The following NBEA variants were observed in gnomAD, a reference collection of about 807,000 sequenced individuals.
NBEA encodes the protein neurobeachin.
A neutral mutation model predicts 343.4 loss-of-function variants in NBEA; 44 were observed. That is an observed-to-expected ratio of 0.13 (90% confidence interval 0.10 to 0.16). NBEA has a LOEUF of 0.16. Ranked by LOEUF, NBEA falls within the 10% of genes least tolerant of loss-of-function variation. The pLI is 1.00. For synonymous variants in NBEA, 1,175 were observed against 1,238.7 expected, an observed-to-expected ratio of 0.95 and a Z score of 1.08; for missense variants, 2,555 against 3,631.3, an observed-to-expected ratio of 0.70 and a Z score of 7.62.
chr13:35,040,002 A>C (rs2062591026), intron 1 of NBEA, among the ~76,000 whole-genome samples: 1 of 152,198 alleles, frequency 6.6e-6, no homozygotes, highest in Non-Finnish European at 1.5e-5. Flanking sequence ...CATATATTCT[A>C]GTTCCAGAAC....
At chr13:35,084,967 A>G (rs1334896598) in intron 10 of NBEA, among the ~76,000 whole-genome samples, 1 of 152,188 alleles carries the variant, frequency 6.6e-6, no homozygotes, top group East Asian at 1.9e-4. Context: ...CTATGCAAAT[A>G]AACCAGAAAA....
intron 38 of NBEA, among the ~76,000 whole-genome samples, chr13:35,354,142 A>C (rs1200810321): frequency 6.6e-6 from 1 of 152,202 alleles, no homozygotes; most frequent in Admixed American, 6.5e-5. Flanking sequence ...CAGTTAGACT[A>C]ATGTTTGACC....
At chr13:35,612,073 G>GTT (rs60709883) in intron 48 of NBEA, among the ~76,000 whole-genome samples, 6 of 142,668 alleles carry the variant, frequency 4.2e-5, no homozygotes, top group Admixed American at 7.0e-5. Context: ...GTTATTACCT[G>GTT]TTTTTTTTTT....
chr13:34,943,215 G>A (rs1055809858), intron 1 of NBEA, 101 bp downstream of exon 1: 25 of 1,460,556 alleles, frequency 1.7e-5, no homozygotes, highest in Middle Eastern at 4.7e-4. Context: ...CACACGCGCC[G>A]CGCGTCCCTG....
intron 41 of NBEA, among the ~76,000 whole-genome samples, chr13:35,513,013 C>G (rs2077339301): frequency 6.6e-6 from 1 of 152,110 alleles, no homozygotes; most frequent in Non-Finnish European, 1.5e-5. Flanking sequence ...TTATACTATA[C>G]AGGTTTTTTT....
intron 31 of NBEA, among the ~76,000 whole-genome samples, chr13:35,198,214 A>G (rs7334324): frequency 0.12 from 18,387 of 152,094 alleles, 1,251 homozygotes; most frequent in South Asian, 0.18. Context: ...CGATATGCCT[A>G]TATGTGTGTT....
At position 35,058,841 on chromosome 13, in the gene NBEA, A is replaced by C; in HGVS notation, c.1217A>C (p.His406Pro). The change falls in exon 8 of 59, where the codon CAT (histidine) becomes CCT (proline). Residue 406 changes from histidine (H) to proline (P), a missense_variant. By Grantham distance (77) the His-to-Pro change is moderately conservative. Transcript: ENST00000379939. ...AACCCAGCACAGATATTTGCAATTC[A>C]TCAGTTAGGACCTGGATATAAGGTA... Reference protein sequence around the residue: ...ALNPAQIFAIHQLGPGYKSTF... With the variant: ...ALNPAQIFAIPQLGPGYKSTF... 1 of 1,606,884 alleles carries C rather than the reference A, an allele frequency of 6.2e-7. No individual in the cohort carries two copies. The highest frequency in any genetic ancestry group is 1.7e-5 in the Admixed American group (1 of 59,160).
chr13:35,469,291 G>A (rs2075538975), intron 40 of NBEA, among the ~76,000 whole-genome samples: 1 of 151,752 alleles, frequency 6.6e-6, no homozygotes, highest in Admixed American at 6.6e-5. Flanking sequence ...TCTACTGTAG[G>A]TCCATGATGA....
At position 35,159,712 on chromosome 13, in the gene NBEA, A is replaced by C; in HGVS notation, c.3541A>C (p.Ser1181Arg). 6.2e-7 allele frequency: 1 copy of C among 1,613,186 alleles called. No individual in the cohort carries two copies. Among genetic ancestry groups the C allele is most frequent in the African/African-American group, 1.3e-5 (1 of 75,018 alleles). The part of the protein sequence containing the change: ...IQDTQVHLGV[S>R]DDLGLLAHMT... ...GGACACACAAGTACATCTTGGTGTT[A>C]GTGATGATCTTGGATTGCTTGCTCA... is the stretch of plus-strand genomic sequence containing the variant. Residue 1181 changes from serine to arginine, a missense_variant, in exon 22 of 59, where the codon AGT (serine) becomes CGT (arginine). Around this residue, in one of 21 missense-constraint regions of NBEA, gnomAD observed 367 missense variants for 377.5 expected, o/e 0.97. Coordinates refer to ENST00000379939, the MANE Select transcript of NBEA (RefSeq NM_001385012.1).
At chr13:35,606,350 T>C (rs1482342388) in intron 47 of NBEA, 76 bp from the exon 48 acceptor site, 7 of 737,478 alleles carry the variant, frequency 9.5e-6, no homozygotes, top group Non-Finnish European at 1.2e-5. Flanking sequence ...TTATAGTTAA[T>C]AAGTTATAAG....
chr13:35,604,865 C>A (rs1207903725), intron 47 of NBEA, among the ~76,000 whole-genome samples: 1 of 152,120 alleles, frequency 6.6e-6, no homozygotes, highest in Non-Finnish European at 1.5e-5. Context: ...GGCCCATCTC[C>A]AATGAAGTCT....
chr13:35,215,069 A>G lies in NBEA; in HGVS notation c.5648+3890A>G, dbSNP rs182254942. Among the ~76,000 whole-genome samples the G allele has an allele frequency of 4.0e-3, 611 of 151,758 alleles. 3 individuals are homozygous for G. The highest frequency in any genetic ancestry group is 0.014 in the African/African-American group (591 of 41,520). The stretch of plus-strand genomic sequence containing the variant: ...ATCGTAGCTTTATATTAAGTTTTGA[A>G]AGAGATGATGTAATGTAAGTCCTGT... On this transcript the variant is annotated intron_variant, in intron 33 of 58. Coordinates refer to ENST00000379939, the MANE Select transcript of NBEA (RefSeq NM_001385012.1).
intron 49 of NBEA, among the ~76,000 whole-genome samples, chr13:35,638,060 C>T (rs1328502289): frequency 2.6e-5 from 4 of 152,004 alleles, no homozygotes; most frequent in East Asian, 1.9e-4. Context: ...GGTATCTTAA[C>T]GAGTCAAAAT....
At position 34,942,526 on chromosome 13, in the gene NBEA, GGCGGCAGCGGCA is replaced by G. The variant is rs144417302; in HGVS notation, c.-282_-271del. The G allele has an allele frequency of 0.07, 14,334 of 205,310 alleles. 1,422 individuals carry two copies. The highest frequency in any genetic ancestry group is 0.23 in the African/African-American group (10,045 of 42,746). 12.7% of individuals were successfully genotyped at this position (205,310 alleles called of 1,614,324 possible). On this transcript the variant is annotated 5_prime_UTR_variant, in exon 1 of 59. Coordinates refer to ENST00000379939, the MANE Select transcript of NBEA (RefSeq NM_001385012.1). ...AGAGGGAGAGAGCAGAGGCAGCGGC[GGCGGCAGCGGCA>G]GCGGCAGCGGCACACCTGCTGGGCG...
intron 38 of NBEA, among the ~76,000 whole-genome samples, chr13:35,360,360 T>G (rs1188074153): frequency 2.6e-5 from 4 of 151,964 alleles, no homozygotes; most frequent in African/African-American, 9.7e-5. Flanking sequence ...TGTCTGAACC[T>G]AAAAGGTTCA....
intron 34 of NBEA, among the ~76,000 whole-genome samples, chr13:35,265,447 T>G (rs1332538599): frequency 6.6e-6 from 1 of 151,816 alleles, no homozygotes; most frequent in Non-Finnish European, 1.5e-5. Context: ...AGGCATCACA[T>G]TAGCTGACTG....
chr13:35,022,205 T>C (rs536701051), intron 1 of NBEA, among the ~76,000 whole-genome samples: 4 of 152,150 alleles, frequency 2.6e-5, no homozygotes, highest in Admixed American at 6.5e-5. Context: ...TCTATTGTTA[T>C]AGACATATAA....
intron 41 of NBEA, among the ~76,000 whole-genome samples, chr13:35,544,000 A>G (rs915003969): frequency 1.3e-5 from 2 of 152,140 alleles, no homozygotes; most frequent in South Asian, 2.1e-4. Flanking sequence ...ATGATCTCAT[A>G]TGAGTGTGGA....
rs559910291 is a variant in NBEA, at chr13:35,135,476, G to T, written c.2337-6793G>T. On this transcript the variant is annotated intron_variant, in intron 17 of 58. Coordinates refer to ENST00000379939, the MANE Select transcript of NBEA (RefSeq NM_001385012.1). The stretch of plus-strand genomic sequence containing the variant: ...TTAAAAATTAAAAATACAGTAAATG[G>T]AGAGCTATGCTGTGTACATTAATGG... Among the ~76,000 whole-genome samples the T allele has an allele frequency of 2.6e-5, 4 of 151,938 alleles. No homozygotes were observed. In the South Asian group the frequency reaches 8.3e-4, roughly 32 times the overall value.
Sources: allele counts gnomAD v4.1 joint callset (sites outside exome capture counted in the v4.1 genomes callset), GRCh38; gene constraint gnomAD v4.1.1; regional missense constraint gnomAD v4.1.1; transcripts MANE v1.5; gene names NCBI Gene and HGNC (gene_info 2026-07-23, HGNC 2026-07-21).